The following VTI1A variants were observed in gnomAD, a reference collection of about 807,000 sequenced individuals.
VTI1A encodes vesicle transport through interaction with t-SNAREs 1A.
A neutral mutation model predicts 34.9 loss-of-function variants in VTI1A; 22 were observed. The ratio of observed to expected loss-of-function variants is 0.63; its 90% CI spans 0.45 to 0.90. The LOEUF (loss-of-function observed/expected upper bound fraction) is 0.90, where lower values mean the gene tolerates loss of function less well. VTI1A is among the 40% of genes least tolerant of loss of function. The pLI is 0.00. For missense variants in VTI1A, 268 were observed against 275.6 expected (o/e 0.97, Z 0.20); for synonymous variants, 87 against 97.3 (o/e 0.89, Z 0.62).
intron 5 of VTI1A, among the ~76,000 whole-genome samples, chr10:112,596,396 G>A (rs114966220): frequency 0.012 from 1,838 of 151,950 alleles, 42 homozygotes; most frequent in African/African-American, 0.042. Flanking sequence ...AAACATTAAC[G>A]GCTGTCTACT....
chr10:112,719,010 A>T (rs1180025811), intron 7 of VTI1A, among the ~76,000 whole-genome samples: 2 of 152,224 alleles, frequency 1.3e-5, no homozygotes, highest in Non-Finnish European at 2.9e-5. Flanking sequence ...TGTTTTCAAT[A>T]TGAACCTTTT....
intron 3 of VTI1A, among the ~76,000 whole-genome samples, chr10:112,518,285 G>A (rs149063987): frequency 9.9e-5 from 15 of 151,896 alleles, no homozygotes; most frequent in Non-Finnish European, 2.9e-5. Flanking sequence ...GACCTTGAGC[G>A]GTAGGATATA....
intron 5 of VTI1A, among the ~76,000 whole-genome samples, chr10:112,636,805 G>C (rs1467648304): frequency 1.3e-5 from 2 of 150,850 alleles, no homozygotes; most frequent in Non-Finnish European, 2.9e-5. Flanking sequence ...GGTGCAGTCA[G>C]TATAAATTAA....
At chr10:112,731,732 C>G (rs530503788) in intron 7 of VTI1A, among the ~76,000 whole-genome samples, 1 of 152,058 alleles carries the variant, frequency 6.6e-6, no homozygotes, top group South Asian at 2.1e-4. Flanking sequence ...TTCTATTTGC[C>G]TTTTGTAGAT....
At chr10:112,698,383 G>A (rs1848870710) in intron 7 of VTI1A, among the ~76,000 whole-genome samples, 1 of 152,106 alleles carries the variant, frequency 6.6e-6, no homozygotes, top group South Asian at 2.1e-4. Flanking sequence ...CATATGGAGT[G>A]TACCCCAGTT....
chr10:112,673,329 A>AG (rs1312236320), intron 7 of VTI1A, among the ~76,000 whole-genome samples: 1 of 151,892 alleles, frequency 6.6e-6, no homozygotes, highest in Admixed American at 6.6e-5. Flanking sequence ...AAAAAAAAAA[A>AG]AAGAAAAAGG....
intron 3 of VTI1A, among the ~76,000 whole-genome samples, chr10:112,491,612 G>A (rs1848825364): frequency 6.6e-6 from 1 of 152,096 alleles, no homozygotes; most frequent in Admixed American, 6.6e-5. Flanking sequence ...TAATCTAATA[G>A]CTCCAAACAA....
intron 7 of VTI1A, among the ~76,000 whole-genome samples, chr10:112,762,238 G>C (rs1302835023): frequency 6.6e-6 from 1 of 152,176 alleles, no homozygotes; most frequent in Middle Eastern, 3.2e-3. Context: ...GGGGATGCTA[G>C]AGCCAGTGTT....
intron 5 of VTI1A, among the ~76,000 whole-genome samples, chr10:112,610,125 A>C (rs948118937): frequency 6.6e-6 from 1 of 152,134 alleles, no homozygotes; most frequent in Non-Finnish European, 1.5e-5. Flanking sequence ...TCCAGTTAAA[A>C]TCATCTTCAG....
intron 5 of VTI1A, among the ~76,000 whole-genome samples, chr10:112,566,357 T>A (rs189385881): frequency 6.6e-6 from 1 of 152,340 alleles, no homozygotes; most frequent in African/African-American, 2.4e-5. Context: ...TAACATCAAC[T>A]GCATTGCATT....
chr10:112,575,722 A>T (rs555456927), intron 5 of VTI1A, among the ~76,000 whole-genome samples: 37 of 152,300 alleles, frequency 2.4e-4, no homozygotes, highest in African/African-American at 8.4e-4. Flanking sequence ...GCACTATGTT[A>T]TTCTTGTTAT....
At chr10:112,555,880 A>C (rs190950696) in intron 5 of VTI1A, among the ~76,000 whole-genome samples, 32 of 152,132 alleles carry the variant, frequency 2.1e-4, no homozygotes, top group Middle Eastern at 3.4e-3. Flanking sequence ...GCTCCATTTT[A>C]GTTTCTTATA....
chr10:112,851,985 A>G, the VTI1A span, among the ~76,000 whole-genome samples: 2 of 152,164 alleles, frequency 1.3e-5, no homozygotes, highest in African/African-American at 4.8e-5. Context: ...ACTTCCTTTT[A>G]TGAGACAAAA....
At chr10:112,672,164 T>TG in intron 7 of VTI1A, among the ~76,000 whole-genome samples, 1 of 119,488 alleles carries the variant, frequency 8.4e-6, no homozygotes, top group East Asian at 2.9e-4. Flanking sequence ...AATGCCCACC[T>TG]GTTTGGAAAA....
chr10:112,806,281 T>C (rs913533965), intron 7 of VTI1A, among the ~76,000 whole-genome samples: 1 of 151,194 alleles, frequency 6.6e-6, no homozygotes, highest in African/African-American at 2.4e-5. Context: ...TTTTCTTCCC[T>C]TTTTTTTTAT....
chr10:112,826,457 G>C, the VTI1A span: 2 of 152,220 alleles, frequency 1.3e-5, no homozygotes, highest in African/African-American at 4.8e-5. Context: ...ATACAGAACA[G>C]AGTTAGAACC....
chr10:112,838,943 C>T, the VTI1A span, among the ~76,000 whole-genome samples: 1 of 152,206 alleles, frequency 6.6e-6, no homozygotes, highest in Non-Finnish European at 1.5e-5. Flanking sequence ...TCCAGTCAGT[C>T]CCGCAGCCTG....
intron 5 of VTI1A, among the ~76,000 whole-genome samples, chr10:112,639,037 GC>G (rs1846468053): frequency 6.6e-6 from 1 of 152,070 alleles, no homozygotes; most frequent in African/African-American, 2.4e-5. Context: ...CAAAGTGGAA[GC>G]CTGTATCAAG....
chr10:112,668,963 A>C lies in VTI1A; in HGVS notation c.525A>C (p.Gly175=), dbSNP rs779320074. The C allele has an allele frequency of 1.2e-6, 2 of 1,612,426 alleles. No individual in the cohort carries two copies. The highest frequency in any genetic ancestry group is 4.5e-5 in the East Asian group (2 of 44,850). The change falls in exon 7 of 8, where the codon GGA becomes GGC. Residue 175 remains glycine, a synonymous_variant. Transcript: ENST00000393077. The part of the protein sequence containing the change: ...ERLRETDANL[G]KSSRILTGML... ...TTCGGGAAACAGATGCTAATTTGGGAAAAAGCTCCAGGATTCTGACAGGGA... is the reference window on the plus strand; with the variant it reads ...TTCGGGAAACAGATGCTAATTTGGGCAAAAGCTCCAGGATTCTGACAGGGA...
Sources: gnomAD v4.1 joint callset for allele counts (sites outside exome capture counted in the v4.1 genomes callset) on GRCh38, gnomAD v4.1.1 for gene constraint, MANE v1.5 for transcripts, NCBI Gene and HGNC (gene_info 2026-07-23, HGNC 2026-07-21) for gene names.